The following UBR1 variants were observed in gnomAD, a reference collection of about 807,000 sequenced individuals.
UBR1 encodes the protein ubiquitin protein ligase E3 component n-recognin 1, also known as E3 ubiquitin-protein ligase UBR1.
A neutral mutation model predicts 242.1 loss-of-function variants in UBR1; 102 were observed. The ratio of observed to expected loss-of-function variants is 0.42; its 90% CI spans 0.36 to 0.50. The LOEUF (loss-of-function observed/expected upper bound fraction) is 0.50, where lower values mean the gene tolerates loss of function less well. Among genes scored for constraint, UBR1 ranks in the 20% least tolerant of loss-of-function variants. The pLI is 0.01. For synonymous variants in UBR1, 675 were observed against 684.8 expected, an observed-to-expected ratio of 0.99 and a Z score of 0.22; for missense variants, 1,772 against 2,101.8, an observed-to-expected ratio of 0.84 and a Z score of 3.07.
Position 43,031,048 on chromosome 15 carries a change from G to C in UBR1, c.2255-980C>G, listed in dbSNP as rs531030991. ...TCCACATTTTACAAATCAGGAATCT[G>C]AGGCCCAAAGAATGCAACTGCATGC... On this transcript the variant is annotated intron_variant, in intron 20 of 46. Coordinates refer to ENST00000290650, the MANE Select transcript of UBR1 (RefSeq NM_174916.3). Among the ~76,000 whole-genome samples the C allele has an allele frequency of 2.6e-5, 4 of 152,286 alleles. No individual in the cohort carries two copies. The South Asian group carries it at 8.3e-4, about 32-fold the overall frequency.
chr15:43,025,534 A>G (rs2033167601), intron 23 of UBR1, 105 bp from the exon 24 acceptor site: 3 of 784,194 alleles, frequency 3.8e-6, no homozygotes, highest in Non-Finnish European at 6.3e-6. Flanking sequence ...AATACTTTAT[A>G]TACTGAAGCA....
chr15:43,023,763 T>C (rs920081628), intron 25 of UBR1, among the ~76,000 whole-genome samples: 4 of 152,084 alleles, frequency 2.6e-5, no homozygotes, highest in African/African-American at 9.7e-5. Flanking sequence ...TTGACCATAG[T>C]GGTGATGGTA....
At chr15:43,070,020 C>T (rs1349970488) in intron 5 of UBR1, among the ~76,000 whole-genome samples, 4 of 151,986 alleles carry the variant, frequency 2.6e-5, no homozygotes, top group African/African-American at 7.2e-5. Flanking sequence ...ACTTCTTTCT[C>T]CCTTTAAAAC....
intron 44 of UBR1, among the ~76,000 whole-genome samples, chr15:42,956,218 A>T (rs1280651269): frequency 2.0e-5 from 3 of 152,228 alleles, no homozygotes; most frequent in African/African-American, 7.2e-5. Flanking sequence ...AAAAACAACA[A>T]CAAAAAAAGA....
intron 33 of UBR1, among the ~76,000 whole-genome samples, chr15:42,996,955 AT>A (rs1196708315): frequency 6.6e-6 from 1 of 152,122 alleles, no homozygotes; most frequent in African/African-American, 2.4e-5. Flanking sequence ...CACCCTACTG[AT>A]TTCACTGCCT....
rs527351761 is a variant in UBR1, at chr15:43,090,646, G to A, written c.82-4406C>T. Among the ~76,000 whole-genome samples the A allele has an allele frequency of 4.0e-5, 6 of 151,220 alleles. No homozygotes were observed. The South Asian group carries it at 8.4e-4, about 21-fold the overall frequency. On this transcript the variant is annotated intron_variant, in intron 1 of 46. Transcript: ENST00000290650. ...AAAAAAAAAAACTTGCATATTCAGC[G>A]CTACAAACCAAACAAAAAATCTTAC...
Position 42,950,071 on chromosome 15 carries a change from G to A in UBR1, c.5108+191C>T, listed in dbSNP as rs139986398. Among the ~76,000 whole-genome samples the A allele has an allele frequency of 0.04, 6,027 of 151,842 alleles. 393 individuals carry two copies. The highest frequency in any genetic ancestry group is 0.14 in the African/African-American group (5,721 of 41,382). ...CCAGGCTGGTCTCAAACTCCTGGCC[G>A]CAAATGATCTGCCTGCTTCGGCCTC... On this transcript the variant is annotated intron_variant, in intron 46 of 46. Transcript: ENST00000290650.
intron 33 of UBR1, among the ~76,000 whole-genome samples, chr15:42,990,389 G>A (rs906145385): frequency 3.9e-5 from 6 of 152,188 alleles, no homozygotes; most frequent in Admixed American, 2.0e-4. Context: ...TGCTGGCCAG[G>A]CTGGTCTTGA....
chr15:42,998,646 A>G (rs1209940949), intron 32 of UBR1, among the ~76,000 whole-genome samples: 1 of 152,106 alleles, frequency 6.6e-6, no homozygotes, highest in East Asian at 1.9e-4. Context: ...CAAGTTCATC[A>G]CTTCTTCCTA....
At chr15:43,096,619 T>C (rs2034165194) in intron 1 of UBR1, among the ~76,000 whole-genome samples, 1 of 152,208 alleles carries the variant, frequency 6.6e-6, no homozygotes. Context: ...CTTTATCAAC[T>C]ATGTTTATGG....
intron 32 of UBR1, among the ~76,000 whole-genome samples, chr15:43,000,329 T>A (rs2032704471): frequency 6.6e-6 from 1 of 152,214 alleles, no homozygotes; most frequent in Admixed American, 6.5e-5. Flanking sequence ...GTTTTAAGGA[T>A]CAGTTTTCTG....
Position 42,943,921 on chromosome 15 carries a change from C to G in UBR1, c.*1408G>C, listed in dbSNP as rs1212294177. The G allele has an allele frequency of 6.6e-6, 1 of 152,348 alleles. No homozygotes were observed. Among genetic ancestry groups the G allele is most frequent in the African/African-American group, 2.4e-5 (1 of 41,424 alleles). The allele number at this position is 152,348 out of a possible 1,614,324, so 9.4% of individuals were successfully genotyped here. ...TCATGCCAATCCCTTACTGCAAAAT[C>G]CACTTTTCTTTACATAAAAGTACCA... is the stretch of plus-strand genomic sequence containing the variant. On this transcript the variant is annotated 3_prime_UTR_variant, in exon 47 of 47. Coordinates refer to ENST00000290650, the MANE Select transcript of UBR1 (RefSeq NM_174916.3).
intron 32 of UBR1, among the ~76,000 whole-genome samples, chr15:43,000,737 A>T (rs2032710617): frequency 1.3e-5 from 2 of 152,248 alleles, no homozygotes; most frequent in Admixed American, 1.3e-4. Flanking sequence ...CTCAAATCAA[A>T]GATAATTCTT....
At position 43,024,810 on chromosome 15, in the gene UBR1, A is replaced by C. The variant is rs376678320; in HGVS notation, c.2739+19T>G. On this transcript the variant is annotated intron_variant, in intron 25 of 46. Coordinates refer to ENST00000290650, the MANE Select transcript of UBR1 (RefSeq NM_174916.3). ...AACTCTAGGACTTGATGTAGAGAAA[A>C]TATTTCAGGTAAACAAACCATTTGG... 1.2e-6 allele frequency: 2 copies of C among 1,614,120 alleles called. No homozygotes were observed. Among genetic ancestry groups the C allele is most frequent in the Non-Finnish European group, 1.7e-6 (2 of 1,179,986 alleles).
rs2032861261 is a variant in UBR1, at chr15:43,008,123, T to G, written c.3210-839A>C. On this transcript the variant is annotated intron_variant, in intron 29 of 46. Coordinates refer to ENST00000290650, the MANE Select transcript of UBR1 (RefSeq NM_174916.3). Reference sequence around the variant, plus strand: ...AATCCTATGAGGTAGGTGGTATTATTCTGTCTAGAGCAGCTCCTGCAAAGA... The same window carrying G: ...AATCCTATGAGGTAGGTGGTATTATGCTGTCTAGAGCAGCTCCTGCAAAGA... Among the ~76,000 whole-genome samples, 6 of 152,364 alleles carry G rather than the reference T, an allele frequency of 3.9e-5. No individual in the cohort carries two copies. The South Asian group carries it at 1.2e-3, about 32-fold the overall frequency.
At chr15:43,070,948 A>G (rs376859135) in intron 4 of UBR1, 23 bp from the exon 5 acceptor site, 11 of 1,611,164 alleles carry the variant, frequency 6.8e-6, no homozygotes, top group Admixed American at 5.0e-5. Context: ...CGAGAAAAAC[A>G]TACTAGTCAA....
In UBR1 at chr15:42,990,190, T is replaced by C. The variant is rs2141276843; in HGVS notation, c.3758-70A>G. 4.6e-6 allele frequency: 5 copies of C among 1,097,176 alleles called. No individual in the cohort carries two copies. In the East Asian group the frequency reaches 8.0e-5, roughly 17 times the overall value. 68.0% of individuals were successfully genotyped at this position (1,097,176 alleles called of 1,614,324 possible). A position where few individuals can be genotyped will look rare whatever the true frequency, so the allele number is the denominator to read the frequency against. ...TAGTCTGACATACAGTTTTCTAGCA[T>C]TTATTTATTTATTTTTGACAGTCTC... On this transcript the variant is annotated intron_variant, in intron 33 of 46. Transcript: ENST00000290650.
intron 29 of UBR1, among the ~76,000 whole-genome samples, chr15:43,013,633 T>A (rs75438385): frequency 0.011 from 1,677 of 152,310 alleles, 26 homozygotes; most frequent in African/African-American, 0.038. Flanking sequence ...GCACACAAAA[T>A]AACGGGTTGG....
At position 42,964,005 on chromosome 15, in the gene UBR1, G is replaced by C. The variant is rs749145487; in HGVS notation, c.4630C>G (p.Leu1544Val). 1 of 1,613,472 alleles carries C rather than the reference G, an allele frequency of 6.2e-7. No individual in the cohort carries two copies. Among genetic ancestry groups the C allele is most frequent in the Non-Finnish European group, 8.5e-7 (1 of 1,179,562 alleles). ...AGGAACAAATTTGTAGGTAAAGATA[G>C]ATAGCTACAGAGTGCACTGTACTCT... is the stretch of plus-strand genomic sequence containing the variant. ...EGEYSALCSY[L>V]SLPTNLFLLF... is the part of the protein sequence containing the mutation. Residue 1544 changes from leucine to valine, a missense_variant, in exon 42 of 47, where the codon CTA (leucine) becomes GTA (valine). By Grantham distance (32) the Leu-to-Val change is conservative (BLOSUM62 1). Around this residue, in one of 3 missense-constraint regions of UBR1, gnomAD observed 965 missense variants for 1,079.7 expected, o/e 0.89. Coordinates refer to ENST00000290650, the MANE Select transcript of UBR1 (RefSeq NM_174916.3).
Sources: allele counts gnomAD v4.1 joint callset (sites outside exome capture counted in the v4.1 genomes callset), GRCh38; gene constraint gnomAD v4.1.1; regional missense constraint gnomAD v4.1.1; transcripts MANE v1.5; gene names NCBI Gene and HGNC (gene_info 2026-07-23, HGNC 2026-07-21).